The following TADA2A variants were observed in gnomAD, a reference collection of about 807,000 sequenced individuals.
TADA2A encodes transcriptional adapter 2-alpha.
TADA2A carries 38 observed loss-of-function variants against 67.4 expected under a neutral mutation model. The observed-to-expected ratio is 0.56, with a 90% CI of 0.44 to 0.74. The LOEUF is 0.74. Among genes scored for constraint, TADA2A ranks in the 30% least tolerant of loss-of-function variants. The pLI is 0.00. For missense variants in TADA2A, 454 were observed against 547.0 expected, an observed-to-expected ratio of 0.83 and a Z score of 1.70; for synonymous variants, 192 against 181.6, an observed-to-expected ratio of 1.06 and a Z score of -0.46.
chr17:37,447,440 C>A (rs1397113609), intron 8 of TADA2A, among the ~76,000 whole-genome samples: 1 of 152,112 alleles, frequency 6.6e-6, no homozygotes, highest in Non-Finnish European at 1.5e-5. Flanking sequence ...CAGGGGTTAG[C>A]CACCGCGTCC....
chr17:37,419,452 G>A (rs1234824511), intron 2 of TADA2A, among the ~76,000 whole-genome samples: 1 of 146,280 alleles, frequency 6.8e-6, no homozygotes, highest in Admixed American at 6.9e-5. Flanking sequence ...GGAATTACGT[G>A]CATGAGCCAC....
chr17:37,476,908 A>G lies in TADA2A; in HGVS notation c.1258A>G (p.Ile420Val). ...AAGACTGGCGCAGGCAAGAGCACTC[A>G]TCAAGATAGATGTGAACAAAACCCG... The part of the protein sequence containing the change: ...GLRLAQARAL[I>V]KIDVNKTRKI... The change falls in exon 16 of 16, where the codon ATC (isoleucine) becomes GTC (valine). Residue 420 changes from isoleucine to valine, a missense_variant. Coordinates refer to ENST00000615182, the MANE Select transcript of TADA2A (RefSeq NM_001166105.3). 1 of 1,614,226 alleles carries G rather than the reference A, an allele frequency of 6.2e-7. No individual in the cohort carries two copies. Among genetic ancestry groups the G allele is most frequent in the Admixed American group, 1.7e-5 (1 of 60,028 alleles).
chr17:37,421,054 G>C (rs1226237560), intron 2 of TADA2A, among the ~76,000 whole-genome samples: 1 of 146,626 alleles, frequency 6.8e-6, no homozygotes, highest in Non-Finnish European at 1.5e-5. Context: ...GATCTGCTGT[G>C]TTATGTACTT....
intron 2 of TADA2A, among the ~76,000 whole-genome samples, chr17:37,418,382 G>A (rs9910338): frequency 0.48 from 72,729 of 151,406 alleles, 18,183 homozygotes; most frequent in East Asian, 0.79. Context: ...TGGGGCACTG[G>A]TCATTGTGGC....
chr17:37,457,175 TC>T (rs2053415819), intron 8 of TADA2A, among the ~76,000 whole-genome samples: 1 of 142,384 alleles, frequency 7.0e-6, no homozygotes, highest in African/African-American at 2.6e-5. Context: ...CAATCATTAT[TC>T]TTTTTTTTTT....
chr17:37,440,614 A>G lies in TADA2A; in HGVS notation c.394A>G (p.Lys132Glu). The change falls in exon 6 of 16, where the codon AAA becomes GAA. Residue 132 changes from lysine (K) to glutamate (E), a missense_variant. This residue lies in a region of TADA2A where 403 missense variants were observed against 455.5 expected (regional missense o/e 0.88). Transcript: ENST00000615182. The part of the protein sequence containing the change: ...PLFASTLLNL[K>E]QAEEAKTADT... ...GTTTGCATCTACCCTGCTGAACCTG[A>G]AACAAGCAGAGGAAGCAAAAACTGC... 6.2e-7 allele frequency: 1 copy of G among 1,614,206 alleles called. No homozygotes were observed. The highest frequency in any genetic ancestry group is 8.5e-7 in the Non-Finnish European group (1 of 1,180,030).
chr17:37,428,186 A>C (rs2052465488), intron 4 of TADA2A, among the ~76,000 whole-genome samples: 1 of 152,168 alleles, frequency 6.6e-6, no homozygotes, highest in Non-Finnish European at 1.5e-5. Context: ...AAAATTAGAT[A>C]TCTTAAGACA....
chr17:37,413,498 G>A (rs945025731), intron 2 of TADA2A, among the ~76,000 whole-genome samples: 2 of 152,012 alleles, frequency 1.3e-5, no homozygotes, highest in African/African-American at 4.8e-5. Context: ...TCATTTGCAT[G>A]TGCACTGTCT....
chr17:37,448,387 A>G (rs2053140343), intron 8 of TADA2A, among the ~76,000 whole-genome samples: 1 of 152,234 alleles, frequency 6.6e-6, no homozygotes, highest in Non-Finnish European at 1.5e-5. Context: ...GTATACTGCA[A>G]GTGAAGCAGT....
chr17:37,438,502 A>G (rs1568153430), intron 5 of TADA2A, among the ~76,000 whole-genome samples: 1 of 152,188 alleles, frequency 6.6e-6, no homozygotes, highest in Non-Finnish European at 1.5e-5. Context: ...GTGATTACAT[A>G]GCTTATTACT....
At chr17:37,450,245 C>T (rs1045056803) in intron 8 of TADA2A, among the ~76,000 whole-genome samples, 10 of 152,196 alleles carry the variant, frequency 6.6e-5, no homozygotes, top group African/African-American at 2.4e-4. Flanking sequence ...ATGATCTTCC[C>T]TGCACAAAAT....
At chr17:37,461,286 C>G (rs977619297) in intron 9 of TADA2A, among the ~76,000 whole-genome samples, 3 of 152,170 alleles carry the variant, frequency 2.0e-5, no homozygotes, top group African/African-American at 7.2e-5. Flanking sequence ...GGTAAAGCTG[C>G]TCACCTGCTG....
chr17:37,463,690 G>A (rs34355985), intron 10 of TADA2A, among the ~76,000 whole-genome samples: 2,283 of 151,844 alleles, frequency 0.015, 19 homozygotes, highest in Non-Finnish European at 0.025. Context: ...CACTCCAGTT[G>A]TCCAGGCTGG....
At chr17:37,441,081 T>G (rs1363765284) in intron 6 of TADA2A, among the ~76,000 whole-genome samples, 2 of 144,372 alleles carry the variant, frequency 1.4e-5, no homozygotes, top group African/African-American at 5.2e-5. Flanking sequence ...GGTGACAGAG[T>G]GAGACTTCAT....
At chr17:37,426,415 A>T (rs1342373498) in intron 3 of TADA2A, 1 of 152,060 alleles carries the variant, frequency 6.6e-6, no homozygotes. Context: ...CACGCCTGTA[A>T]TCCCAGCACT....
chr17:37,465,281 T>C (rs2053639486), intron 10 of TADA2A, 150 bp from the exon 11 acceptor site: 4 of 623,760 alleles, frequency 6.4e-6, no homozygotes, highest in Non-Finnish European at 1.1e-5. Flanking sequence ...ATTCTTGGCT[T>C]TCCTGTTTGC....
rs763859014 is a variant in TADA2A, at chr17:37,440,692, A to T, written c.442+30A>T. On this transcript the variant is annotated intron_variant, in intron 6 of 15. Transcript: ENST00000615182. ...GTGCCTCCCTATCTTGATAAGATAT[A>T]CTTAGCTCATCCTTGGGCCCTGTTT... is the stretch of plus-strand genomic sequence containing the variant. 3.7e-6 allele frequency: 6 copies of T among 1,612,856 alleles called. No individual in the cohort carries two copies. In the South Asian group the frequency reaches 6.6e-5, roughly 18 times the overall value.
chr17:37,423,827 G>A (rs773154752), intron 3 of TADA2A, among the ~76,000 whole-genome samples: 3 of 147,944 alleles, frequency 2.0e-5, no homozygotes, highest in Non-Finnish European at 4.4e-5. Context: ...TCTGCTAACT[G>A]CAATCTCCAC....
At chr17:37,475,196 G>T (rs1324302223) in intron 15 of TADA2A, among the ~76,000 whole-genome samples, 1 of 151,474 alleles carries the variant, frequency 6.6e-6, no homozygotes, top group African/African-American at 2.4e-5. Flanking sequence ...TTTTGAGACG[G>T]AGACTTGCCC....
Sources: allele counts gnomAD v4.1 joint callset (sites outside exome capture counted in the v4.1 genomes callset), GRCh38; gene constraint gnomAD v4.1.1; regional missense constraint gnomAD v4.1.1; transcripts MANE v1.5; gene names NCBI Gene and HGNC (gene_info 2026-07-23, HGNC 2026-07-21).